Variants in PYGO1 observed in about 807,000 individuals in gnomAD.
PYGO1 encodes the protein pygopus homolog 1.
A neutral mutation model predicts 29.5 loss-of-function variants in PYGO1; 6 were observed. The ratio of observed to expected loss-of-function variants is 0.20; its 90% CI spans 0.11 to 0.40. The LOEUF is 0.40. PYGO1 is among the 10% of genes least tolerant of loss of function. The pLI, the probability that PYGO1 is intolerant of heterozygous loss-of-function variation, is 1.00. For missense variants in PYGO1, 515 were observed against 514.9 expected, an observed-to-expected ratio of 1.00 and a Z score of 0.00; for synonymous variants, 186 against 180.5, an observed-to-expected ratio of 1.03 and a Z score of -0.24.
At chr15:55,560,751 A>C (rs1393052361) in intron 1 of PYGO1, among the ~76,000 whole-genome samples, 2 of 152,172 alleles carry the variant, frequency 1.3e-5, no homozygotes, top group Non-Finnish European at 2.9e-5. Context: ...TCACAAGGTC[A>C]GGAGTTTGAG....
chr15:55,546,436 T>G lies in PYGO1; in HGVS notation c.847A>C (p.Asn283His), dbSNP rs1173593589. Residue 283 changes from asparagine (N) to histidine (H), a missense_variant, in exon 3 of 3, where the codon AAT becomes CAT. Asn to His is a moderately conservative substitution (Grantham distance 68). Coordinates refer to ENST00000563719, the MANE Select transcript of PYGO1 (RefSeq NM_001367806.1). ...LKNVNRNNAV[N>H]QENSRSSSTE... is the part of the protein sequence containing the mutation. ...CTACTTGAACGGCTGTTCTCCTGAT[T>G]TACTGCATTGTTTCGATTAACATTT... 5 of 1,614,062 alleles carry G rather than the reference T, an allele frequency of 3.1e-6. No individual in the cohort carries two copies. In the African/African-American group the frequency reaches 4.0e-5, roughly 13 times the overall value.
intron 1 of PYGO1, among the ~76,000 whole-genome samples, chr15:55,573,992 A>G (rs1488853958): frequency 6.6e-6 from 1 of 152,228 alleles, no homozygotes; most frequent in Non-Finnish European, 1.5e-5. Context: ...GAAGACCTCA[A>G]TCTACGGTAT....
chr15:55,578,352 T>C (rs1438554033), intron 1 of PYGO1, among the ~76,000 whole-genome samples: 1 of 152,176 alleles, frequency 6.6e-6, no homozygotes, highest in Non-Finnish European at 1.5e-5. Context: ...ATAAGCATGT[T>C]TTCAATCCTC....
chr15:55,578,672 C>A (rs1172192047), intron 1 of PYGO1, among the ~76,000 whole-genome samples: 1 of 152,120 alleles, frequency 6.6e-6, no homozygotes, highest in East Asian at 1.9e-4. Flanking sequence ...AATGTCTATT[C>A]AATCCTTTGG....
chr15:55,548,886 T>C (rs761294758), intron 2 of PYGO1, 24 bp downstream of exon 2: 89 of 1,599,536 alleles, frequency 5.6e-5, no homozygotes, highest in Non-Finnish European at 7.4e-5. Context: ...AGAAAAACTT[T>C]TATTAAAGAA....
rs1374202964 is a variant in PYGO1, at chr15:55,562,091, G to A, written c.50-13096C>T. Among the ~76,000 whole-genome samples, 4 of 152,090 alleles carry A rather than the reference G, an allele frequency of 2.6e-5. No individual in the cohort carries two copies. The East Asian group carries it at 7.7e-4, about 29-fold the overall frequency. On this transcript the variant is annotated intron_variant, in intron 1 of 2. Coordinates refer to ENST00000563719, the MANE Select transcript of PYGO1 (RefSeq NM_001367806.1). ...ATGCAGCCAACAAACATGAAAAAAA[G>A]CTCAACATCACTGATCATTAGAGAA...
At position 55,588,254 on chromosome 15, in the gene PYGO1, A is replaced by C. The variant is rs2059058944; in HGVS notation, c.-371T>G. On this transcript the variant is annotated 5_prime_UTR_variant, in exon 1 of 3. Coordinates refer to ENST00000563719, the MANE Select transcript of PYGO1 (RefSeq NM_001367806.1). ...CGCCTCAGGAGCCGCTGACAGGGGA[A>C]GCAGGAGGCTCGCGGCCCGGCCCTG... 6.7e-6 allele frequency among the ~76,000 whole-genome samples: 1 copy of C among 148,832 alleles called. No homozygotes were observed. The highest frequency in any genetic ancestry group is 1.5e-5 in the Non-Finnish European group (1 of 66,916).
At chr15:55,554,175 G>A (rs62020042) in intron 1 of PYGO1, among the ~76,000 whole-genome samples, 57,208 of 152,032 alleles carry the variant, frequency 0.38, 13,869 homozygotes, top group Non-Finnish European at 0.55. Flanking sequence ...ACTGAACTGG[G>A]CTGAGGCAGA....
At chr15:55,563,412 G>T (rs529102835) in intron 1 of PYGO1, among the ~76,000 whole-genome samples, 4 of 150,388 alleles carry the variant, frequency 2.7e-5, no homozygotes, top group Non-Finnish European at 5.9e-5. Context: ...TGTCGCCCAG[G>T]CTGGAGTGCA....
In PYGO1 at chr15:55,549,257, G is replaced by A. The variant is rs534030897; in HGVS notation, c.50-262C>T. Among the ~76,000 whole-genome samples the A allele has an allele frequency of 4.6e-5, 7 of 152,134 alleles. No homozygotes were observed. The East Asian group carries it at 1.2e-3, about 25-fold the overall frequency. On this transcript the variant is annotated intron_variant, in intron 1 of 2. Transcript: ENST00000563719. Reference sequence around the variant, plus strand: ...TCTCACTCTAAAATCTTTAGTAACTGGTTCCCTGTCTCAGAGGCCACCACT... The same window carrying A: ...TCTCACTCTAAAATCTTTAGTAACTAGTTCCCTGTCTCAGAGGCCACCACT...
At chr15:55,552,394 G>A (rs2058883227) in intron 1 of PYGO1, among the ~76,000 whole-genome samples, 1 of 149,400 alleles carries the variant, frequency 6.7e-6, no homozygotes, top group South Asian at 2.1e-4. Flanking sequence ...GGTAGGGGGA[G>A]CTGTGGTCCA....
intron 1 of PYGO1, among the ~76,000 whole-genome samples, chr15:55,574,466 G>C (rs1460764544): frequency 6.6e-6 from 1 of 152,114 alleles, no homozygotes; most frequent in African/African-American, 2.4e-5. Flanking sequence ...AAGTTTTACG[G>C]TAGTAAATAA....
chr15:55,564,273 G>A (rs2058945973), intron 1 of PYGO1, among the ~76,000 whole-genome samples: 1 of 152,108 alleles, frequency 6.6e-6, no homozygotes, highest in Non-Finnish European at 1.5e-5. Context: ...GCTACAACAT[G>A]GATGAACCTT....
At chr15:55,581,106 G>C (rs1379258508) in intron 1 of PYGO1, among the ~76,000 whole-genome samples, 1 of 152,176 alleles carries the variant, frequency 6.6e-6, no homozygotes, top group Non-Finnish European at 1.5e-5. Flanking sequence ...CTATGATAGA[G>C]ATAAGCACAG....
At chr15:55,556,687 C>CA (rs200192428) in intron 1 of PYGO1, among the ~76,000 whole-genome samples, 20,128 of 137,992 alleles carry the variant, frequency 0.15, 1,605 homozygotes, top group East Asian at 0.39. Context: ...AAAAACCCTT[C>CA]AAAAAAAAAA....
rs1462078851 is a variant in PYGO1, at chr15:55,539,057, G to A, written c.*6966C>T. 1 of 152,078 alleles carries A rather than the reference G, an allele frequency of 6.6e-6. No individual in the cohort carries two copies. The highest frequency in any genetic ancestry group is 2.4e-5 in the African/African-American group (1 of 41,418). 9.4% of individuals were successfully genotyped at this position (152,078 alleles called of 1,614,324 possible). A position where few individuals can be genotyped will look rare whatever the true frequency, so the allele number is the denominator to read the frequency against. ...TTATACAACGCACAAATAACATTAA[G>A]CATTATCCCTGAAAAGAATGGCCAA... On this transcript the variant is annotated 3_prime_UTR_variant, in exon 3 of 3. Coordinates refer to ENST00000563719, the MANE Select transcript of PYGO1 (RefSeq NM_001367806.1).
intron 1 of PYGO1, among the ~76,000 whole-genome samples, chr15:55,567,197 CTTTTTTTTTTTTTTTT>C (rs71297645): frequency 2.1e-5 from 1 of 47,054 alleles, no homozygotes; most frequent in Non-Finnish European, 3.5e-5. Context: ...TTTTGCCCAC[CTTTTTTTTTTTTTTTT>C]TTTTTTTTTT....
At chr15:55,576,381 G>A (rs1321590925) in intron 1 of PYGO1, among the ~76,000 whole-genome samples, 1 of 138,966 alleles carries the variant, frequency 7.2e-6, no homozygotes, top group Non-Finnish European at 1.5e-5. Context: ...GCGTGAACCC[G>A]GGAGGCGGAG....
chr15:55,566,260 G>A (rs2058956080), intron 1 of PYGO1, among the ~76,000 whole-genome samples: 1 of 151,980 alleles, frequency 6.6e-6, no homozygotes, highest in South Asian at 2.1e-4. Flanking sequence ...GTCTATTGCT[G>A]CCATCTTTAT....
Sources: gnomAD v4.1 joint callset for allele counts (sites outside exome capture counted in the v4.1 genomes callset) on GRCh38, gnomAD v4.1.1 for gene constraint, MANE v1.5 for transcripts, NCBI Gene and HGNC (gene_info 2026-07-23, HGNC 2026-07-21) for gene names.